Variants in PER1 observed in about 807,000 individuals in gnomAD.
The protein encoded by PER1 is period circadian protein homolog 1.
Under a neutral mutation model 125.9 loss-of-function variants are expected in PER1, and 87 were observed. That is an observed-to-expected ratio of 0.69 (90% CI 0.58 to 0.83). The LOEUF is 0.83. Among genes scored for constraint, PER1 ranks in the 40% least tolerant of loss-of-function variants. The probability of loss-of-function intolerance (pLI) is 0.00; values close to 1 mark genes in which losing one functional copy is unlikely to be tolerated. For synonymous variants in PER1, 801 were observed against 714.7 expected, an observed-to-expected ratio of 1.12 and a Z score of -1.93; for missense variants, 1,775 against 1,722.8, an observed-to-expected ratio of 1.03 and a Z score of -0.54.
rs1235667212 is a variant in PER1, at chr17:8,146,918, G to A, written c.1714C>T (p.Gln572Ter). ...QLFIESRARP[Q>*]SRPRLPATGT... ...TCACCAGGGAGGCGGGGCCGGGACT[G>A]AGGCCGGGCCCGAGACTCAATAAAA... Residue 572 changes from glutamine (Q) to a stop codon, truncating the protein, a stop_gained, in exon 14 of 23, where the codon CAG becomes TAG. Transcript: ENST00000317276. LOFTEE classifies it high-confidence loss of function. 1 of 1,613,940 alleles carries A rather than the reference G, an allele frequency of 6.2e-7. No individual in the cohort carries two copies. The highest frequency in any genetic ancestry group is 1.7e-5 in the Admixed American group (1 of 60,016).
chr17:8,151,917 G>C (rs1339983801), intron 1 of PER1, among the ~76,000 whole-genome samples: 6 of 152,226 alleles, frequency 3.9e-5, no homozygotes, highest in Non-Finnish European at 1.5e-5. Context: ...CGCTGGGAAC[G>C]GGATGTTCTA....
Position 8,142,676 on chromosome 17 carries a change from C to G in PER1, c.3232G>C (p.Gly1078Arg), listed in dbSNP as rs755601901. 1.6e-5 allele frequency: 26 copies of G among 1,614,050 alleles called. No individual in the cohort carries two copies. The South Asian group carries it at 2.9e-4, about 18-fold the overall frequency. Residue 1078 changes from glycine (G) to arginine (R), a missense_variant, in exon 20 of 23, where the codon GGG (glycine) becomes CGG (arginine). Gly to Arg is a moderately radical substitution (Grantham distance 125). Coordinates refer to ENST00000317276, the MANE Select transcript of PER1 (RefSeq NM_002616.3). ...GSGSGSGSHE[G>R]GSTSASITRS... The stretch of plus-strand genomic sequence containing the variant: ...GTGATGCTGGCTGAGGTGCTGCCCC[C>G]TTCATGGGAGCCTGAACCAGACCCA...
rs771598776 is a variant in PER1, at chr17:8,142,385, A to G, written c.3333T>C (p.Ala1111=). Residue 1111 remains alanine, a synonymous_variant, in exon 21 of 23, where the codon GCT becomes GCC. Coordinates refer to ENST00000317276, the MANE Select transcript of PER1 (RefSeq NM_002616.3). ...IDSSEAEAGA[A]RGGAEPGDQV... ...GGTCCCCAGGCTCAGCCCCGCCCCGAGCAGCCCCAGCCTCAGCCTCGGAAG... is the reference window on the plus strand; with the variant it reads ...GGTCCCCAGGCTCAGCCCCGCCCCGGGCAGCCCCAGCCTCAGCCTCGGAAG... The G allele has an allele frequency of 6.2e-7, 1 of 1,612,922 alleles. No homozygotes were observed. The highest frequency in any genetic ancestry group is 1.3e-5 in the African/African-American group (1 of 74,852).
Position 8,148,196 on chromosome 17 carries a change from TG to T in PER1, c.1111del (p.Gln371ArgfsTer82). On this transcript the variant is annotated frameshift_variant, in exon 9 of 23. Transcript: ENST00000317276. LOFTEE classifies it high-confidence loss of function. The stretch of plus-strand genomic sequence containing the variant: ...CTATCCTCACCTTTCATCCACATCC[TG>T]GAAGAGGCAGCTGGGTGTGTGCCGC... Reference protein sequence around the residue: ...TTRHTPSCLFQDVDERAAPLL... With the variant: ...TTRHTPSCLFXDVDERAAPLL... The T allele has an allele frequency of 6.2e-7, 1 of 1,614,070 alleles. No individual in the cohort carries two copies. Among genetic ancestry groups the T allele is most frequent in the Non-Finnish European group, 8.5e-7 (1 of 1,179,966 alleles).
chr17:8,148,525 A>G (rs1182288289), intron 8 of PER1, 119 bp downstream of exon 8: 10 of 1,275,984 alleles, frequency 7.8e-6, no homozygotes, highest in Non-Finnish European at 1.1e-5. Flanking sequence ...CATCTTTACA[A>G]TAGCTTTTCT....
At chr17:8,144,212 C>T in intron 18 of PER1, 1 of 403,848 alleles carries the variant, frequency 2.5e-6, no homozygotes. Flanking sequence ...GTCCGCCAAA[C>T]TCCTGTGGGC....
intron 7 of PER1, chr17:8,149,037 A>G: frequency 3.3e-6 from 2 of 614,622 alleles, no homozygotes; most frequent in East Asian, 5.7e-5. Flanking sequence ...GAAAATACAA[A>G]AATTAGCTGG....
In PER1 at chr17:8,150,817, G is replaced by C. The variant is rs772831995; in HGVS notation, c.-111C>G. ...TGAGGTGGAAGATCTAAGTCTCTGAGGGTTGAGAAGTTCGATCACAGCCAG... is the reference window on the plus strand; with the variant it reads ...TGAGGTGGAAGATCTAAGTCTCTGACGGTTGAGAAGTTCGATCACAGCCAG... On this transcript the variant is annotated 5_prime_UTR_variant, in exon 2 of 23. Transcript: ENST00000317276. 1 of 1,043,218 alleles carries C rather than the reference G, an allele frequency of 9.6e-7. No individual in the cohort carries two copies. The highest frequency in any genetic ancestry group is 1.7e-5 in the South Asian group (1 of 59,050). The allele number at this position is 1,043,218 out of a possible 1,614,324, so 64.6% of individuals were successfully genotyped here. A position where few individuals can be genotyped will look rare whatever the true frequency, so the allele number is the denominator to read the frequency against.
chr17:8,151,506 T>G (rs1982862889), intron 1 of PER1, among the ~76,000 whole-genome samples: 1 of 151,890 alleles, frequency 6.6e-6, no homozygotes, highest in Non-Finnish European at 1.5e-5. Flanking sequence ...CCGTAAGAAG[T>G]GGGACGGCCT....
chr17:8,143,085 A>G (rs752602417), intron 19 of PER1, among the ~76,000 whole-genome samples, 181 bp downstream of exon 19: 1 of 152,220 alleles, frequency 6.6e-6, no homozygotes, highest in Non-Finnish European at 1.5e-5. Flanking sequence ...TCAGACAGAC[A>G]GGACTGTCCC....
chr17:8,150,892 C>T lies in PER1; in HGVS notation c.-139-47G>A, dbSNP rs2518024. 1.4e-3 allele frequency: 768 copies of T among 563,804 alleles called. 4 individuals are homozygous for T. The highest frequency in any genetic ancestry group is 0.012 in the East Asian group (421 of 33,788). 34.9% of individuals were successfully genotyped at this position (563,804 alleles called of 1,614,324 possible). A position where few individuals can be genotyped will look rare whatever the true frequency, so the allele number is the denominator to read the frequency against. On this transcript the variant is annotated intron_variant, in intron 1 of 22. Coordinates refer to ENST00000317276, the MANE Select transcript of PER1 (RefSeq NM_002616.3). The stretch of plus-strand genomic sequence containing the variant: ...CAGGGCTTGCAGAAAGCTGGTTTAA[C>T]TCCAGAGCACCTGCTGGCTTCACTC...
Position 8,143,711 on chromosome 17 carries a change from G to T in PER1, c.2627C>A (p.Pro876His), listed in dbSNP as rs746688709. Residue 876 changes from proline (P) to histidine (H), a missense_variant, in exon 19 of 23, where the codon CCC becomes CAC. Coordinates refer to ENST00000317276, the MANE Select transcript of PER1 (RefSeq NM_002616.3). ...TPWPTPPATT[P>H]FPAVVQPYPL... ...GTAGGGCTGGACAACCGCTGGGAAGGGGGTAGTGGCTGGTGGGGTGGGCCA... is the reference window on the plus strand; with the variant it reads ...GTAGGGCTGGACAACCGCTGGGAAGTGGGTAGTGGCTGGTGGGGTGGGCCA... 1.8e-5 allele frequency: 27 copies of T among 1,525,432 alleles called. No individual in the cohort carries two copies. The highest frequency in any genetic ancestry group is 2.3e-5 in the Non-Finnish European group (26 of 1,130,180). 94.5% of individuals were successfully genotyped at this position (1,525,432 alleles called of 1,614,324 possible).
rs750164440 is a variant in PER1, at chr17:8,142,837, TG to T, written c.3073-3del. 5.0e-5 allele frequency: 79 copies of T among 1,591,430 alleles called. No individual in the cohort carries two copies. The highest frequency in any genetic ancestry group is 1.7e-6 in the Non-Finnish European group (2 of 1,171,486). On this transcript the variant is annotated splice_region_variant and splice_polypyrimidine_tract_variant and intron_variant, in intron 19 of 22. Coordinates refer to ENST00000317276, the MANE Select transcript of PER1 (RefSeq NM_002616.3). ...ATTGGAGGACTCAGTGACCTCCGCCTGGAGGAGGGGAGGGGGGCAAGGAGGG... is the reference window on the plus strand; with the variant it reads ...ATTGGAGGACTCAGTGACCTCCGCCTGAGGAGGGGAGGGGGGCAAGGAGGG...
intron 7 of PER1, 59 bp downstream of exon 7, chr17:8,149,194 GCAAAAA>G (rs796314734): frequency 6.3e-4 from 887 of 1,413,596 alleles, no homozygotes; most frequent in Middle Eastern, 2.5e-3. Flanking sequence ...CTTTCAAAAA[GCAAAAA>G]CAAAAACAAA....
In PER1 at chr17:8,149,293, A is replaced by C. The variant is rs1419659803; in HGVS notation, c.871T>G (p.Phe291Val). 1.9e-6 allele frequency: 3 copies of C among 1,613,836 alleles called. No homozygotes were observed. The highest frequency in any genetic ancestry group is 1.3e-5 in the African/African-American group (1 of 74,892). The change falls in exon 7 of 23, where the codon TTT (phenylalanine) becomes GTT (valine). Residue 291 changes from phenylalanine (F) to valine (V), a missense_variant. Phe to Val is a conservative substitution (Grantham distance 50, BLOSUM62 -1). Coordinates refer to ENST00000317276, the MANE Select transcript of PER1 (RefSeq NM_002616.3). Reference protein sequence around the residue: ...GASAGSGLRDFTQEKSVFCRI... With the variant: ...GASAGSGLRDVTQEKSVFCRI... ...CAGAAGACGGACTTCTCCTGGGTAAAGTCCCTGAGGCCTGAACCTGGGACA... is the reference window on the plus strand; with the variant it reads ...CAGAAGACGGACTTCTCCTGGGTAACGTCCCTGAGGCCTGAACCTGGGACA...
Position 8,140,474 on chromosome 17 carries a change from C to T in PER1, c.*594G>A, listed in dbSNP as rs986270037. On this transcript the variant is annotated 3_prime_UTR_variant, in exon 23 of 23. Coordinates refer to ENST00000317276, the MANE Select transcript of PER1 (RefSeq NM_002616.3). ...AAACTTCATTCCACAAAGTCCTGGG[C>T]GTTTTTATCTTTTTGTATTAAAAAA... The T allele has an allele frequency of 1.0e-5, 2 of 199,378 alleles. No homozygotes were observed. Among genetic ancestry groups the T allele is most frequent in the Non-Finnish European group, 1.0e-5 (1 of 96,264 alleles). 12.4% of individuals were successfully genotyped at this position (199,378 alleles called of 1,614,324 possible).
rs745311248 is a variant in PER1 at position 8,149,687 on chromosome 17, G to A, written c.652-24C>T. 3.1e-6 allele frequency: 5 copies of A among 1,610,484 alleles called. No homozygotes were observed. The African/African-American group carries it at 5.3e-5, about 17-fold the overall frequency. The stretch of plus-strand genomic sequence containing the variant: ...TCCTGGCAGGAGGGGGAGAGCAAGA[G>A]CAGATTCAAGAGCTGTGGGAGAAGG... On this transcript the variant is annotated intron_variant, in intron 5 of 22. Transcript: ENST00000317276.
Position 8,143,980 on chromosome 17 carries a change from C to A in PER1, c.2462-104G>T, listed in dbSNP as rs150621892. On this transcript the variant is annotated intron_variant, in intron 18 of 22. Transcript: ENST00000317276. ...GACCAGGGAGAGGACAGGCCAAGGT[C>A]CCAGAGAGAGCTTCTCAACCCACAC... 533 of 1,468,444 alleles carry A rather than the reference C, an allele frequency of 3.6e-4. 3 individuals are homozygous for A. The African/African-American group carries it at 6.6e-3, about 18-fold the overall frequency. 91.0% of individuals were successfully genotyped at this position (1,468,444 alleles called of 1,614,324 possible).
chr17:8,143,218 CGGGGCTGGGGTG>C, intron 19 of PER1, 36 bp downstream of exon 19: 1 of 1,084,368 alleles, frequency 9.2e-7, no homozygotes, highest in Non-Finnish European at 1.2e-6. Flanking sequence ...GGCAGAGGGG[CGGGGCTGGGGTG>C]GGGGCTGGCA....
Sources: gnomAD v4.1 joint callset for allele counts (sites outside exome capture counted in the v4.1 genomes callset) on GRCh38, gnomAD v4.1.1 for gene constraint, MANE v1.5 for transcripts, NCBI Gene and HGNC (gene_info 2026-07-23, HGNC 2026-07-21) for gene names.